The following SLC22A24 variants were observed in gnomAD, a reference collection of about 807,000 sequenced individuals.
SLC22A24 encodes solute carrier family 22 member 24, also known as steroid transmembrane transporter SLC22A24.
SLC22A24 carries 53 observed loss-of-function variants against 49.8 expected under a neutral mutation model. The observed-to-expected ratio is 1.06, with a 90% CI of 0.85 to 1.34. The LOEUF (loss-of-function observed/expected upper bound fraction) is 1.34, where lower values mean the gene tolerates loss of function less well. SLC22A24 is among the 40% of genes most tolerant of loss of function. SLC22A24 has a pLI of 0.00. For missense variants in SLC22A24, 786 were observed against 675.9 expected (o/e 1.16, Z -1.81); for synonymous variants, 302 against 256.4 (o/e 1.18, Z -1.70).
At chr11:63,088,616 G>T (rs1236822179) in intron 6 of SLC22A24, among the ~76,000 whole-genome samples, 1 of 152,048 alleles carries the variant, frequency 6.6e-6, no homozygotes, top group Admixed American at 6.5e-5. Context: ...CAGAAGGTGG[G>T]TAATAACTCC....
intron 4 of SLC22A24, among the ~76,000 whole-genome samples, chr11:63,117,922 T>C (rs1279558778): frequency 1.3e-5 from 2 of 152,240 alleles, no homozygotes; most frequent in East Asian, 3.9e-4. Flanking sequence ...AACTGTATTT[T>C]GTTCCTCAGC....
At position 63,084,347 on chromosome 11, in the gene SLC22A24, C is replaced by A. The variant is rs567684871; in HGVS notation, c.1071-890G>T. Among the ~76,000 whole-genome samples the A allele has an allele frequency of 3.9e-5, 6 of 152,132 alleles. No homozygotes were observed. The South Asian group carries it at 1.2e-3, about 32-fold the overall frequency. Reference sequence around the variant, plus strand: ...TAAGGTAGGGATGCCTGTATTTGCTCGCAGGTTGTATAGGCTCTGAAAGAG... The same window carrying A: ...TAAGGTAGGGATGCCTGTATTTGCTAGCAGGTTGTATAGGCTCTGAAAGAG... On this transcript the variant is annotated intron_variant, in intron 6 of 9. Coordinates refer to ENST00000612278, the MANE Select transcript of SLC22A24 (RefSeq NM_001136506.2).
chr11:63,094,395 A>T (rs1371384598), intron 6 of SLC22A24, among the ~76,000 whole-genome samples: 1 of 151,968 alleles, frequency 6.6e-6, no homozygotes, highest in African/African-American at 2.4e-5. Context: ...AGACATTTAG[A>T]TTGGTTCCAA....
chr11:63,119,339 A>C lies in SLC22A24; in HGVS notation c.507-4T>G, dbSNP rs1396709204. ...GCATATGATCTTCCGTCCAACCCTA[A>C]GAAATATTAAACCAGATAACGTTAC... On this transcript the variant is annotated splice_polypyrimidine_tract_variant and splice_region_variant and intron_variant, in intron 2 of 9. Transcript: ENST00000612278. 2.0e-6 allele frequency: 3 copies of C among 1,525,456 alleles called. No individual in the cohort carries two copies. In the East Asian group the frequency reaches 7.4e-5, roughly 37 times the overall value. The allele number at this position is 1,525,456 out of a possible 1,614,324, so 94.5% of individuals were successfully genotyped here.
chr11:63,124,261 C>A (rs567513243), intron 2 of SLC22A24, among the ~76,000 whole-genome samples: 27 of 152,094 alleles, frequency 1.8e-4, no homozygotes, highest in Non-Finnish European at 3.5e-4. Flanking sequence ...AGATTTTATT[C>A]TAAGTGCAGT....
At chr11:63,088,958 C>G (rs962687109) in intron 6 of SLC22A24, among the ~76,000 whole-genome samples, 1 of 152,172 alleles carries the variant, frequency 6.6e-6, no homozygotes, top group East Asian at 1.9e-4. Flanking sequence ...ATTGGTGTCC[C>G]TGAAAATGAT....
chr11:63,136,695 C>A (rs1442912377), intron 1 of SLC22A24, among the ~76,000 whole-genome samples: 1 of 152,194 alleles, frequency 6.6e-6, no homozygotes, highest in Non-Finnish European at 1.5e-5. Flanking sequence ...CAAGGTGTCT[C>A]ACCCTTGGGT....
chr11:63,111,367 A>G (rs1293092695), intron 4 of SLC22A24, among the ~76,000 whole-genome samples: 2 of 151,934 alleles, frequency 1.3e-5, no homozygotes, highest in Admixed American at 1.3e-4. Flanking sequence ...GCTTCATAAA[A>G]TGAGTTAGGG....
At position 63,114,152 on chromosome 11, in the gene SLC22A24, G is replaced by A. The variant is rs577127372; in HGVS notation, c.830+4760C>T. Among the ~76,000 whole-genome samples the A allele has an allele frequency of 1.3e-3, 196 of 152,314 alleles. 1 individual carries two copies. The highest frequency in any genetic ancestry group is 1.7e-3 in the Non-Finnish European group (115 of 68,040). ...AAATTCTCCTGGATAATATCCTGAAGAGTGTTTTTCCAACTTGGTTCCATT... is the reference window on the plus strand; with the variant it reads ...AAATTCTCCTGGATAATATCCTGAAAAGTGTTTTTCCAACTTGGTTCCATT... On this transcript the variant is annotated intron_variant, in intron 4 of 9. Coordinates refer to ENST00000612278, the MANE Select transcript of SLC22A24 (RefSeq NM_001136506.2).
At chr11:63,138,160 C>T (rs1331196212) in intron 1 of SLC22A24, among the ~76,000 whole-genome samples, 1 of 152,152 alleles carries the variant, frequency 6.6e-6, no homozygotes, top group Non-Finnish European at 1.5e-5. Context: ...ACAAACTTTG[C>T]TATGGATCCC....
intron 1 of SLC22A24, among the ~76,000 whole-genome samples, chr11:63,140,889 A>G (rs999170660): frequency 6.6e-6 from 1 of 152,236 alleles, no homozygotes. Flanking sequence ...AGAGAATAAG[A>G]CAAAACTGAA....
chr11:63,118,809 C>G, intron 4 of SLC22A24, 103 bp downstream of exon 4: 1 of 1,227,524 alleles, frequency 8.1e-7, no homozygotes, highest in African/African-American at 1.5e-5. Flanking sequence ...CATCATGGCT[C>G]AGGACTAGGC....
At chr11:63,112,637 ATT>A (rs1307054168) in intron 4 of SLC22A24, among the ~76,000 whole-genome samples, 1 of 151,806 alleles carries the variant, frequency 6.6e-6, no homozygotes, top group Non-Finnish European at 1.5e-5. Context: ...GATCTTAGTT[ATT>A]TCTTGCCTTC....
At chr11:63,084,793 T>G (rs1014680514) in intron 6 of SLC22A24, among the ~76,000 whole-genome samples, 8 of 152,286 alleles carry the variant, frequency 5.3e-5, no homozygotes, top group Admixed American at 2.6e-4. Flanking sequence ...TTCTTACCCT[T>G]CTTACCATAT....
chr11:63,113,103 C>CACATATATATATATACAT (rs1555048881), intron 4 of SLC22A24, among the ~76,000 whole-genome samples: 1 of 1,470 alleles, frequency 6.8e-4, no homozygotes, highest in African/African-American at 8.4e-4. Context: ...TATATATATA[C>CACATATATATATATACAT]ATATATATAC....
At chr11:63,108,560 C>G (rs898944870) in intron 4 of SLC22A24, among the ~76,000 whole-genome samples, 1 of 152,120 alleles carries the variant, frequency 6.6e-6, no homozygotes, top group South Asian at 2.1e-4. Context: ...TTGTCTGCTT[C>G]TGGACATTTT....
At chr11:63,093,143 C>G (rs1486379858) in intron 6 of SLC22A24, among the ~76,000 whole-genome samples, 1 of 152,148 alleles carries the variant, frequency 6.6e-6, no homozygotes, top group Non-Finnish European at 1.5e-5. Flanking sequence ...AATGAGATAC[C>G]ATCCCATGCC....
Position 63,119,090 on chromosome 11 carries a change from A to C in SLC22A24, c.662-10T>G. ...AATGTCCACTCTAAGCCTGGAAGAAAACATATACATAGTAATAATTTTAGA... is the reference window on the plus strand; with the variant it reads ...AATGTCCACTCTAAGCCTGGAAGAACACATATACATAGTAATAATTTTAGA... On this transcript the variant is annotated splice_polypyrimidine_tract_variant and intron_variant, in intron 3 of 9. Coordinates refer to ENST00000612278, the MANE Select transcript of SLC22A24 (RefSeq NM_001136506.2). The C allele has an allele frequency of 6.5e-7, 1 of 1,543,054 alleles. No homozygotes were observed. Among genetic ancestry groups the C allele is most frequent in the Non-Finnish European group, 8.8e-7 (1 of 1,141,746 alleles).
intron 1 of SLC22A24, among the ~76,000 whole-genome samples, chr11:63,140,453 C>T (rs1421004439): frequency 6.6e-6 from 1 of 152,104 alleles, no homozygotes; most frequent in Non-Finnish European, 1.5e-5. Context: ...AAATTAAGGC[C>T]AGATATCAGA....
Sources: allele counts gnomAD v4.1 joint callset (sites outside exome capture counted in the v4.1 genomes callset), GRCh38; gene constraint gnomAD v4.1.1; transcripts MANE v1.5; gene names NCBI Gene and HGNC (gene_info 2026-07-23, HGNC 2026-07-21).